Variants in LDAH observed in about 807,000 individuals in gnomAD.
The protein encoded by LDAH is lipid droplet-associated hydrolase.
In LDAH, 26 loss-of-function variants were observed where a neutral mutation model predicts 29.6. That is an observed-to-expected ratio of 0.88 (90% CI 0.64 to 1.22). The LOEUF (loss-of-function observed/expected upper bound fraction) is 1.22, where lower values mean the gene tolerates loss of function less well. LDAH is among the 50% of genes most tolerant of loss of function. LDAH has a pLI of 0.00. For missense variants in LDAH, 344 were observed against 387.3 expected (o/e 0.89, Z 0.94); for synonymous variants, 117 against 133.0 (o/e 0.88, Z 0.83).
At chr2:20,720,912 T>C (rs548390265) in intron 5 of LDAH, among the ~76,000 whole-genome samples, 115 of 152,204 alleles carry the variant, frequency 7.6e-4, no homozygotes, top group Middle Eastern at 3.4e-3. Flanking sequence ...TAAACATTAT[T>C]GAAACTAGAT....
intron 4 of LDAH, among the ~76,000 whole-genome samples, chr2:20,773,627 G>A (rs1669579827): frequency 6.6e-6 from 1 of 152,084 alleles, no homozygotes; most frequent in African/African-American, 2.4e-5. Flanking sequence ...ACTTAGAAAT[G>A]AAAAACATAT....
At chr2:20,753,266 A>C (rs1668088958) in intron 4 of LDAH, among the ~76,000 whole-genome samples, 1 of 152,146 alleles carries the variant, frequency 6.6e-6, no homozygotes, top group Non-Finnish European at 1.5e-5. Context: ...TTTCATCTTC[A>C]CTTTGTTTTT....
At chr2:20,701,066 G>A (rs570144582) in intron 6 of LDAH, among the ~76,000 whole-genome samples, 44 of 152,122 alleles carry the variant, frequency 2.9e-4, no homozygotes, top group Non-Finnish European at 5.1e-4. Context: ...GGTGCTTCCA[G>A]ATGTGTGTGT....
intron 4 of LDAH, among the ~76,000 whole-genome samples, chr2:20,768,046 T>C (rs572119325): frequency 7.2e-5 from 11 of 152,272 alleles, no homozygotes; most frequent in African/African-American, 1.9e-4. Context: ...AGCTGTCCAC[T>C]GCGGGTCTTC....
At chr2:20,727,623 T>A (rs994855790) in intron 5 of LDAH, among the ~76,000 whole-genome samples, 2 of 152,218 alleles carry the variant, frequency 1.3e-5, no homozygotes, top group African/African-American at 4.8e-5. Context: ...GAATATTTTT[T>A]AAAGTTAATT....
chr2:20,809,764 ACT>A (rs1367811109), intron 1 of LDAH, among the ~76,000 whole-genome samples: 1 of 152,204 alleles, frequency 6.6e-6, no homozygotes, highest in Non-Finnish European at 1.5e-5. Flanking sequence ...GTAAAAGAAT[ACT>A]GATACAGAAA....
chr2:20,714,707 C>T (rs951148018), intron 5 of LDAH, among the ~76,000 whole-genome samples: 27 of 152,144 alleles, frequency 1.8e-4, no homozygotes, highest in African/African-American at 6.0e-4. Context: ...GATATCACCA[C>T]CAATCTCACA....
intron 4 of LDAH, among the ~76,000 whole-genome samples, chr2:20,760,620 T>C (rs1668618558): frequency 6.6e-6 from 1 of 152,216 alleles, no homozygotes; most frequent in African/African-American, 2.4e-5. Flanking sequence ...GTTTTTTTGT[T>C]GGATGTTGAC....
intron 1 of LDAH, among the ~76,000 whole-genome samples, chr2:20,810,542 G>A (rs1409182697): frequency 6.6e-6 from 1 of 152,162 alleles, no homozygotes; most frequent in African/African-American, 2.4e-5. Flanking sequence ...AAGAACATGT[G>A]GTATGGGAGT....
intron 6 of LDAH, among the ~76,000 whole-genome samples, chr2:20,691,251 T>C (rs1208826791): frequency 6.6e-6 from 1 of 152,230 alleles, no homozygotes; most frequent in Non-Finnish European, 1.5e-5. Context: ...CTCAGCTTAC[T>C]GGAGCCTTGA....
chr2:20,711,551 G>C (rs537888207), intron 5 of LDAH, among the ~76,000 whole-genome samples: 1 of 152,284 alleles, frequency 6.6e-6, no homozygotes, highest in South Asian at 2.1e-4. Context: ...AGTGGGTGCA[G>C]CCCAGGGAGG....
intron 1 of LDAH, among the ~76,000 whole-genome samples, chr2:20,804,054 C>G (rs1572669004): frequency 2.0e-5 from 3 of 152,162 alleles, no homozygotes; most frequent in African/African-American, 7.2e-5. Context: ...GAAATCACCT[C>G]TTCCTCTAAA....
At chr2:20,702,812 C>G (rs1664040071) in intron 5 of LDAH, among the ~76,000 whole-genome samples, 1 of 152,164 alleles carries the variant, frequency 6.6e-6, no homozygotes, top group Non-Finnish European at 1.5e-5. Flanking sequence ...TTGCTTCAAC[C>G]ATCTGGAATT....
At chr2:20,785,583 G>A (rs1670489744) in intron 3 of LDAH, among the ~76,000 whole-genome samples, 1 of 152,142 alleles carries the variant, frequency 6.6e-6, no homozygotes, top group Non-Finnish European at 1.5e-5. Context: ...TTGTCATCTG[G>A]CATTAAGTAC....
At chr2:20,770,852 G>A (rs1669364568) in intron 4 of LDAH, among the ~76,000 whole-genome samples, 1 of 152,090 alleles carries the variant, frequency 6.6e-6, no homozygotes, top group African/African-American at 2.4e-5. Flanking sequence ...GCAGAGCCAA[G>A]GCTGAATACT....
intron 4 of LDAH, among the ~76,000 whole-genome samples, chr2:20,741,183 T>C (rs1667147437): frequency 6.6e-6 from 1 of 152,206 alleles, no homozygotes; most frequent in Non-Finnish European, 1.5e-5. Context: ...TTTTATCAGA[T>C]GTGTCTTTTC....
intron 4 of LDAH, among the ~76,000 whole-genome samples, chr2:20,763,622 G>T (rs1668833754): frequency 6.6e-6 from 1 of 152,226 alleles, no homozygotes; most frequent in South Asian, 2.1e-4. Flanking sequence ...GTGTTGGGCA[G>T]TAAATATACA....
At chr2:20,792,880 T>A (rs1435302978) in intron 2 of LDAH, among the ~76,000 whole-genome samples, 1 of 152,134 alleles carries the variant, frequency 6.6e-6, no homozygotes, top group Non-Finnish European at 1.5e-5. Context: ...GTAACAAACG[T>A]GCACATTCTG....
In LDAH at chr2:20,779,949, A is replaced by G. The variant is rs1053628263; in HGVS notation, c.299-4970T>C. Among the ~76,000 whole-genome samples the G allele has an allele frequency of 7.9e-5, 12 of 152,324 alleles. No individual in the cohort carries two copies. In the East Asian group the frequency reaches 9.6e-4, roughly 12 times the overall value. ...TACTGAATATCAGTGAATTGGCTCAATGAGAACTGTGGTCCCTAATTCTGT... is the reference window on the plus strand; with the variant it reads ...TACTGAATATCAGTGAATTGGCTCAGTGAGAACTGTGGTCCCTAATTCTGT... On this transcript the variant is annotated intron_variant, in intron 3 of 6. Coordinates refer to ENST00000237822, the MANE Select transcript of LDAH (RefSeq NM_021925.4).
Sources: allele counts gnomAD v4.1 joint callset (sites outside exome capture counted in the v4.1 genomes callset), GRCh38; gene constraint gnomAD v4.1.1; transcripts MANE v1.5; gene names NCBI Gene and HGNC (gene_info 2026-07-23, HGNC 2026-07-21).